NSG2: variants seen among roughly 807,000 people sequenced by gnomAD.
NSG2 encodes neuronal vesicle trafficking-associated protein 2.
NSG2 carries 4 observed loss-of-function variants against 16.9 expected under a neutral mutation model. The ratio of observed to expected loss-of-function variants is 0.24; its 90% CI spans 0.12 to 0.54. The LOEUF is 0.54. Ranked by LOEUF, NSG2 falls within the 20% of genes least tolerant of loss-of-function variation. NSG2 has a pLI of 0.95. For missense variants in NSG2, 179 were observed against 221.1 expected (o/e 0.81, Z 1.21); for synonymous variants, 98 against 88.7 (o/e 1.11, Z -0.59).
At chr5:174,104,157 T>C (rs1760942061) in intron 3 of NSG2, 71 bp from the exon 4 acceptor site, 1 of 1,076,694 alleles carries the variant, frequency 9.3e-7, no homozygotes, top group Non-Finnish European at 1.4e-6. Flanking sequence ...AGTTCTAGGC[T>C]CTGAAAGCTG....
chr5:174,074,787 C>T (rs921410843), intron 3 of NSG2, among the ~76,000 whole-genome samples: 7 of 152,136 alleles, frequency 4.6e-5, no homozygotes, highest in Admixed American at 4.6e-4. Context: ...CATGCAGTGT[C>T]CTCTGCCTCC....
At chr5:174,062,344 G>A (rs2113432174) in intron 2 of NSG2, among the ~76,000 whole-genome samples, 1 of 152,264 alleles carries the variant, frequency 6.6e-6, no homozygotes, top group Middle Eastern at 3.4e-3. Flanking sequence ...AATTAAGTGA[G>A]GTAAGGCATG....
chr5:174,062,978 C>T (rs1457319622), intron 2 of NSG2, among the ~76,000 whole-genome samples: 1 of 152,178 alleles, frequency 6.6e-6, no homozygotes, highest in Non-Finnish European at 1.5e-5. Flanking sequence ...TTCATTTTAG[C>T]TGTGTGACCC....
At chr5:174,078,092 G>C (rs1016650778) in intron 3 of NSG2, among the ~76,000 whole-genome samples, 23 of 152,092 alleles carry the variant, frequency 1.5e-4, no homozygotes, top group African/African-American at 4.6e-4. Flanking sequence ...TATCACACTA[G>C]CCACATTTCA....
intron 3 of NSG2, among the ~76,000 whole-genome samples, chr5:174,100,998 C>T (rs969306356): frequency 1.3e-5 from 2 of 152,226 alleles, no homozygotes; most frequent in East Asian, 1.9e-4. Context: ...TCCAGCAGCT[C>T]CCTCAGACCC....
chr5:174,084,237 T>C (rs1238588679), intron 3 of NSG2: 2 of 152,244 alleles, frequency 1.3e-5, no homozygotes, highest in African/African-American at 2.4e-5. Context: ...CAGGGCAGAA[T>C]TGGGCACAGT....
intron 2 of NSG2, among the ~76,000 whole-genome samples, chr5:174,061,251 A>G (rs1486476869): frequency 6.6e-6 from 1 of 152,240 alleles, no homozygotes; most frequent in Admixed American, 6.5e-5. Flanking sequence ...TCAGACATCT[A>G]AATTTTCTGT....
intron 3 of NSG2, among the ~76,000 whole-genome samples, chr5:174,101,029 G>C (rs963369839): frequency 6.6e-6 from 1 of 152,232 alleles, no homozygotes; most frequent in Non-Finnish European, 1.5e-5. Context: ...TGGAGGCAAT[G>C]GCAGGCTGGG....
chr5:174,049,239 C>G (rs954048739), intron 2 of NSG2, among the ~76,000 whole-genome samples: 1 of 152,164 alleles, frequency 6.6e-6, no homozygotes, highest in African/African-American at 2.4e-5. Flanking sequence ...ACTTGGGAGG[C>G]TGAGGCAGGA....
intron 3 of NSG2, among the ~76,000 whole-genome samples, chr5:174,091,682 T>C (rs1483650833): frequency 6.6e-6 from 1 of 151,340 alleles, no homozygotes; most frequent in Non-Finnish European, 1.5e-5. Flanking sequence ...TGTGTGTGTG[T>C]GTGTCTGGGG....
intron 4 of NSG2, among the ~76,000 whole-genome samples, chr5:174,106,763 T>C (rs950260397): frequency 3.3e-5 from 5 of 151,850 alleles, no homozygotes; most frequent in African/African-American, 1.2e-4. Context: ...CCCAGCTATT[T>C]TTTGTATTTT....
At chr5:174,088,694 G>A (rs2113463177) in intron 3 of NSG2, among the ~76,000 whole-genome samples, 1 of 152,288 alleles carries the variant, frequency 6.6e-6, no homozygotes, top group South Asian at 2.1e-4. Context: ...CAGGCGCTGG[G>A]CTTGGCATTT....
At chr5:174,081,441 A>G (rs1031970005) in intron 3 of NSG2, 2 of 152,196 alleles carry the variant, frequency 1.3e-5, no homozygotes, top group African/African-American at 2.4e-5. Context: ...TTATACTAAT[A>G]TATTTTCAGA....
chr5:174,061,967 G>A (rs1258884285), intron 2 of NSG2, among the ~76,000 whole-genome samples: 5 of 135,740 alleles, frequency 3.7e-5, no homozygotes, highest in Non-Finnish European at 7.7e-5. Context: ...GAATGCCCAT[G>A]TTCCTGAGAA....
intron 3 of NSG2, among the ~76,000 whole-genome samples, chr5:174,099,223 C>T (rs759091959): frequency 3.9e-5 from 6 of 152,262 alleles, no homozygotes; most frequent in Non-Finnish European, 8.8e-5. Context: ...TGGAACCAAA[C>T]CAGGACTCTC....
intron 3 of NSG2, among the ~76,000 whole-genome samples, chr5:174,081,905 AAAAGAG>A (rs1232173089): frequency 2.6e-5 from 4 of 151,846 alleles, no homozygotes; most frequent in African/African-American, 4.8e-5. Context: ...AAAAAAAAAA[AAAAGAG>A]AGAGAATGTA....
intron 2 of NSG2, among the ~76,000 whole-genome samples, chr5:174,057,491 TAA>T (rs1759983918): frequency 8.8e-6 from 1 of 113,970 alleles, no homozygotes; most frequent in South Asian, 2.6e-4. Flanking sequence ...AACAAAACAC[TAA>T]GCTTTATGAA....
At chr5:174,063,925 A>T (rs984853975) in intron 2 of NSG2, among the ~76,000 whole-genome samples, 2 of 152,258 alleles carry the variant, frequency 1.3e-5, no homozygotes, top group Admixed American at 1.3e-4. Flanking sequence ...CAGGTTATAA[A>T]CTATAAAGTA....
At chr5:174,050,233 A>T (rs912108586) in intron 2 of NSG2, among the ~76,000 whole-genome samples, 45 of 152,336 alleles carry the variant, frequency 3.0e-4, no homozygotes, top group African/African-American at 1.0e-3. Context: ...ATGTCAGATC[A>T]TGGCTTTTCT....
Sources: allele counts gnomAD v4.1 joint callset (sites outside exome capture counted in the v4.1 genomes callset), GRCh38; gene constraint gnomAD v4.1.1; transcripts MANE v1.5; gene names NCBI Gene and HGNC (gene_info 2026-07-23, HGNC 2026-07-21).